The following RNF41 variants were observed in gnomAD, a reference collection of about 807,000 sequenced individuals.
RNF41 encodes the protein E3 ubiquitin-protein ligase NRDP1.
RNF41 carries 4 observed loss-of-function variants against 33.0 expected under a neutral mutation model. That is an observed-to-expected ratio of 0.12 (90% CI 0.06 to 0.28). The LOEUF (loss-of-function observed/expected upper bound fraction) is 0.28, where lower values mean the gene tolerates loss of function less well. Among genes scored for constraint, RNF41 ranks in the 10% least tolerant of loss-of-function variants. RNF41 has a pLI of 1.00. For synonymous variants in RNF41, 164 were observed against 153.2 expected (o/e 1.07, Z -0.52); for missense variants, 228 against 432.6 (o/e 0.53, Z 4.19).
intron 3 of RNF41, among the ~76,000 whole-genome samples, chr12:56,212,074 A>C (rs1312231787): frequency 1.3e-5 from 2 of 152,258 alleles, no homozygotes; most frequent in African/African-American, 4.8e-5. Flanking sequence ...ACTTGAGATC[A>C]GTTCAAGACC....
intron 1 of RNF41, among the ~76,000 whole-genome samples, chr12:56,217,357 G>A: frequency 6.6e-6 from 1 of 152,046 alleles, no homozygotes; most frequent in East Asian, 1.9e-4. Context: ...GATGAGCCTG[G>A]CCAACATGGC....
In RNF41 at chr12:56,204,196, TC is replaced by T. The variant is rs1421103490; in HGVS notation, c.*2250del. On this transcript the variant is annotated 3_prime_UTR_variant, in exon 7 of 7. Transcript: ENST00000345093. ...ATATACATATCTTCTGTAGAAATTA[TC>T]CCAAAAACTCAGGACCACTCAGGGA... 1 of 152,086 alleles carries T rather than the reference TC, an allele frequency of 6.6e-6. No homozygotes were observed. Among genetic ancestry groups the T allele is most frequent in the Non-Finnish European group, 1.5e-5 (1 of 68,034 alleles). 9.4% of individuals were successfully genotyped at this position (152,086 alleles called of 1,614,324 possible).
intron 3 of RNF41, 74 bp from the exon 4 acceptor site, chr12:56,210,642 T>G: frequency 4.1e-6 from 6 of 1,451,080 alleles, no homozygotes; most frequent in Non-Finnish European, 5.7e-6. Context: ...GATATAACTC[T>G]ACAAAGCCAA....
Position 56,206,232 on chromosome 12 carries a change from T to G in RNF41, c.*215A>C. ...CACCCAGACTGATAATTTATAGACA[T>G]TTTAGGGGAATATGGCAAAGGGAGG... On this transcript the variant is annotated 3_prime_UTR_variant, in exon 7 of 7. Transcript: ENST00000345093. The surrounding 1 kb of genome is among the most constrained non-coding windows in gnomAD (Gnocchi z 5.7). 1.8e-6 allele frequency: 1 copy of G among 549,950 alleles called. No individual in the cohort carries two copies. Among genetic ancestry groups the G allele is most frequent in the Non-Finnish European group, 3.2e-6 (1 of 310,404 alleles). 34.1% of individuals were successfully genotyped at this position (549,950 alleles called of 1,614,324 possible).
In RNF41 at chr12:56,206,193, G is replaced by A; in HGVS notation, c.*254C>T. 4.5e-6 allele frequency: 2 copies of A among 442,616 alleles called. No homozygotes were observed. Among genetic ancestry groups the A allele is most frequent in the South Asian group, 7.5e-5 (2 of 26,670 alleles). 27.4% of individuals were successfully genotyped at this position (442,616 alleles called of 1,614,324 possible). On this transcript the variant is annotated 3_prime_UTR_variant, in exon 7 of 7. Transcript: ENST00000345093. The surrounding 1 kb of genome is among the most constrained non-coding windows in gnomAD (Gnocchi z 5.7). Reference sequence around the variant, plus strand: ...GACCCTAAGCAGGAAAATGGATGGAGGTGGGGGCTTTCCCACCCAGACTGA... The same window carrying A: ...GACCCTAAGCAGGAAAATGGATGGAAGTGGGGGCTTTCCCACCCAGACTGA...
chr12:56,208,583 A>T (rs1472984828), intron 4 of RNF41: 1 of 195,144 alleles, frequency 5.1e-6, no homozygotes, highest in Non-Finnish European at 1.0e-5. Context: ...ATTTTTTTTG[A>T]CACGGAGTTT....
At chr12:56,211,914 G>T (rs1291175958) in intron 3 of RNF41, among the ~76,000 whole-genome samples, 2 of 152,132 alleles carry the variant, frequency 1.3e-5, no homozygotes. Context: ...AGAGCTTGCA[G>T]TGAGCCAAGA....
rs532305098 is a variant in RNF41 at position 56,213,558 on chromosome 12, C to T, written c.90+400G>A. Among the ~76,000 whole-genome samples the T allele has an allele frequency of 3.9e-5, 6 of 152,098 alleles. No homozygotes were observed. In the South Asian group the frequency reaches 1.2e-3, roughly 32 times the overall value. Reference sequence around the variant, plus strand: ...GGAGCCTGGCTGATTACCTGAAGCACTACATCATAAAAATGCAGAGAGAAC... The same window carrying T: ...GGAGCCTGGCTGATTACCTGAAGCATTACATCATAAAAATGCAGAGAGAAC... On this transcript the variant is annotated intron_variant, in intron 3 of 6. Coordinates refer to ENST00000345093, the MANE Select transcript of RNF41 (RefSeq NM_005785.4).
rs1868264727 is a variant in RNF41, at chr12:56,206,394, G to C, written c.*53C>G. 1.4e-6 allele frequency: 2 copies of C among 1,454,534 alleles called. No homozygotes were observed. Among genetic ancestry groups the C allele is most frequent in the Non-Finnish European group, 1.9e-6 (2 of 1,055,786 alleles). The allele number at this position is 1,454,534 out of a possible 1,614,324, so 90.1% of individuals were successfully genotyped here. ...GGTAGGACTCAGGTCCCAGCTGCTG[G>C]AGTGATGGGATTTTCTGATTTCCAT... On this transcript the variant is annotated 3_prime_UTR_variant, in exon 7 of 7. Coordinates refer to ENST00000345093, the MANE Select transcript of RNF41 (RefSeq NM_005785.4). This position sits in a 1 kb window ranked among gnomAD's most constrained non-coding sequence, Gnocchi z 5.7.
At position 56,206,764 on chromosome 12, in the gene RNF41, G is replaced by A. The variant is rs1166133161; in HGVS notation, c.637C>T (p.Arg213Cys). 4 of 1,613,888 alleles carry A rather than the reference G, an allele frequency of 2.5e-6. No homozygotes were observed. Among genetic ancestry groups the A allele is most frequent in the Admixed American group, 1.7e-5 (1 of 59,980 alleles). Residue 213 changes from arginine to cysteine, a missense_variant, in exon 7 of 7, where the codon CGC becomes TGC. Around this residue, in one of 2 missense-constraint regions of RNF41, gnomAD observed 199 missense variants for 334.6 expected, o/e 0.59. Coordinates refer to ENST00000345093, the MANE Select transcript of RNF41 (RefSeq NM_005785.4). The surrounding 1 kb of genome is among the most constrained non-coding windows in gnomAD (Gnocchi z 5.7). ...VNSLQPARVT[R>C]WGGMISTPDA... ...GGAGTCGAGATCATCCCTCCCCAGC[G>A]GGTCACTCTTGCTGGCTGAAGGGAG...
chr12:56,208,092 T>G, intron 5 of RNF41, 71 bp downstream of exon 5: 1 of 1,586,640 alleles, frequency 6.3e-7, no homozygotes, highest in Admixed American at 1.7e-5. Flanking sequence ...TCACAACTGG[T>G]TTTTATTACC....
chr12:56,221,136 C>T (rs1383833867), intron 1 of RNF41, among the ~76,000 whole-genome samples: 1 of 152,162 alleles, frequency 6.6e-6, no homozygotes, highest in African/African-American at 2.4e-5. Context: ...CTTCCTCTAG[C>T]CCCCTCCTCC....
At chr12:56,215,778 G>C (rs1401071097) in intron 2 of RNF41, among the ~76,000 whole-genome samples, 1 of 151,072 alleles carries the variant, frequency 6.6e-6, no homozygotes, top group Non-Finnish European at 1.5e-5. Flanking sequence ...AGCGGCAATG[G>C]CGCCATGCCC....
In RNF41 at chr12:56,202,402, G is replaced by A. The variant is rs144039797; in HGVS notation, c.*4045C>T. Reference sequence around the variant, plus strand: ...CAGTTCTCCTGACCTTAAAAGTTTAGAACAGGTTGGCAAATTTTTTTCTGT... The same window carrying A: ...CAGTTCTCCTGACCTTAAAAGTTTAAAACAGGTTGGCAAATTTTTTTCTGT... On this transcript the variant is annotated 3_prime_UTR_variant, in exon 7 of 7. Coordinates refer to ENST00000345093, the MANE Select transcript of RNF41 (RefSeq NM_005785.4). The A allele has an allele frequency of 6.6e-6, 1 of 152,044 alleles. No homozygotes were observed. Among genetic ancestry groups the A allele is most frequent in the Non-Finnish European group, 1.5e-5 (1 of 68,006 alleles). 9.4% of individuals were successfully genotyped at this position (152,044 alleles called of 1,614,324 possible). A position where few individuals can be genotyped will look rare whatever the true frequency, so the allele number is the denominator to read the frequency against.
chr12:56,214,143 C>T lies in RNF41; in HGVS notation c.-23-73G>A, dbSNP rs4759218. The T allele has an allele frequency of 0.9, 735,754 of 815,010 alleles. 341,488 individuals are homozygous for T. Among genetic ancestry groups the T allele is most frequent in the East Asian group, 0.98 (40,395 of 41,150 alleles). 50.5% of individuals were successfully genotyped at this position (815,010 alleles called of 1,614,324 possible). On this transcript the variant is annotated intron_variant, in intron 2 of 6. Coordinates refer to ENST00000345093, the MANE Select transcript of RNF41 (RefSeq NM_005785.4). ...ATATGTGACAAACATACACTCATTGCCAAGATCCATTCATTTATCCAACAA... is the reference window on the plus strand; with the variant it reads ...ATATGTGACAAACATACACTCATTGTCAAGATCCATTCATTTATCCAACAA...
chr12:56,209,747 G>A lies in RNF41; in HGVS notation c.362+550C>T, dbSNP rs559761207. 9.9e-5 allele frequency among the ~76,000 whole-genome samples: 15 copies of A among 152,198 alleles called. No homozygotes were observed. The South Asian group carries it at 1.9e-3, about 19-fold the overall frequency. On this transcript the variant is annotated intron_variant, in intron 4 of 6. Coordinates refer to ENST00000345093, the MANE Select transcript of RNF41 (RefSeq NM_005785.4). Reference sequence around the variant, plus strand: ...GCTGGGATTACAGGCGTGAGCCACCGCGCCCGGCCCCACACCTGGCTAATT... The same window carrying A: ...GCTGGGATTACAGGCGTGAGCCACCACGCCCGGCCCCACACCTGGCTAATT...
Position 56,204,992 on chromosome 12 carries a change from C to G in RNF41, c.*1455G>C, listed in dbSNP as rs1433429597. 1 of 152,194 alleles carries G rather than the reference C, an allele frequency of 6.6e-6. No individual in the cohort carries two copies. The highest frequency in any genetic ancestry group is 2.4e-5 in the African/African-American group (1 of 41,446). The allele number at this position is 152,194 out of a possible 1,614,324, so 9.4% of individuals were successfully genotyped here. ...AGTCACTCTAGGGATCAAGGTATACCCCAGGTAACCTGAAATGGAACTGAA... is the reference window on the plus strand; with the variant it reads ...AGTCACTCTAGGGATCAAGGTATACGCCAGGTAACCTGAAATGGAACTGAA... On this transcript the variant is annotated 3_prime_UTR_variant, in exon 7 of 7. Coordinates refer to ENST00000345093, the MANE Select transcript of RNF41 (RefSeq NM_005785.4).
At chr12:56,211,620 G>A (rs1232124728) in intron 3 of RNF41, among the ~76,000 whole-genome samples, 1 of 152,078 alleles carries the variant, frequency 6.6e-6, no homozygotes, top group African/African-American at 2.4e-5. Flanking sequence ...GGTCTTGAAG[G>A]ATAATTCAGA....
chr12:56,207,099 A>C, intron 6 of RNF41: 1 of 1,332,192 alleles, frequency 7.5e-7, no homozygotes, highest in Non-Finnish European at 9.7e-7. Context: ...TTAGTGAATA[A>C]AACAATTATT....
Sources: allele counts gnomAD v4.1 joint callset (sites outside exome capture counted in the v4.1 genomes callset), GRCh38; gene constraint gnomAD v4.1.1; regional missense constraint gnomAD v4.1.1; non-coding constraint Gnocchi (gnomAD v3.1); transcripts MANE v1.5; gene names NCBI Gene and HGNC (gene_info 2026-07-23, HGNC 2026-07-21).